The following PLXDC1 variants were observed in gnomAD, a reference collection of about 807,000 sequenced individuals.
PLXDC1 encodes the protein plexin domain containing 1.
In PLXDC1, 39 loss-of-function variants were observed where a neutral mutation model predicts 61.3. The ratio of observed to expected loss-of-function variants is 0.64; its 90% CI spans 0.49 to 0.83. The LOEUF is 0.83. Among genes scored for constraint, PLXDC1 ranks in the 40% least tolerant of loss-of-function variants. PLXDC1 has a pLI of 0.00. For missense variants in PLXDC1, 596 were observed against 666.5 expected, an observed-to-expected ratio of 0.89 and a Z score of 1.17; for synonymous variants, 212 against 254.5, an observed-to-expected ratio of 0.83 and a Z score of 1.59.
rs769840629 is a variant in PLXDC1 at position 39,078,045 on chromosome 17, C to T, written c.1054G>A (p.Glu352Lys). Residue 352 changes from glutamate to lysine, a missense_variant, in exon 11 of 14, where the codon GAG (glutamate) becomes AAG (lysine). Coordinates refer to ENST00000315392, the MANE Select transcript of PLXDC1 (RefSeq NM_020405.5). ...WMDYGCAQEA[E>K]GRMCEDFQDE... is the part of the protein sequence containing the mutation. ...TGGAAGTCCTCGCACATCCTGCCCT[C>T]TGCCTGCAGGAGAGAGCCAGTGCTG... 4 of 1,604,858 alleles carry T rather than the reference C, an allele frequency of 2.5e-6. No individual in the cohort carries two copies. Among genetic ancestry groups the T allele is most frequent in the Middle Eastern group, 1.7e-4 (1 of 6,008 alleles).
At chr17:39,082,639 A>C (rs538081766) in intron 9 of PLXDC1, among the ~76,000 whole-genome samples, 1 of 152,174 alleles carries the variant, frequency 6.6e-6, no homozygotes, top group African/African-American at 2.4e-5. Context: ...AGAGACTATA[A>C]TTTAGCAATT....
Position 39,063,359 on chromosome 17 carries a change from C to A in PLXDC1, c.*4481G>T. On this transcript the variant is annotated 3_prime_UTR_variant, in exon 14 of 14. Transcript: ENST00000315392. ...TGTCCTCAGACAGTAGATAAAAATG[C>A]ATGGGGTTTACTTCCAGGGATTTAC... 1.5e-6 allele frequency: 1 copy of A among 653,536 alleles called. No homozygotes were observed. The highest frequency in any genetic ancestry group is 2.7e-6 in the Non-Finnish European group (1 of 363,968). 40.5% of individuals were successfully genotyped at this position (653,536 alleles called of 1,614,324 possible).
upstream of PLXDC1, chr17:39,152,800 A>G (rs887644271): frequency 1.2e-5 from 9 of 731,550 alleles, no homozygotes; most frequent in Non-Finnish European, 1.7e-5. Flanking sequence ...GAAAAGAAAA[A>G]AAAACACCTA....
chr17:39,108,482 G>T, intron 4 of PLXDC1: 1 of 565,126 alleles, frequency 1.8e-6, no homozygotes, highest in Admixed American at 3.0e-5. Flanking sequence ...GGGCGAGGGG[G>T]CAGGAAGAGG....
chr17:39,078,991 T>G (rs910144236), intron 10 of PLXDC1, 113 bp downstream of exon 10: 3 of 815,706 alleles, frequency 3.7e-6, no homozygotes, highest in Admixed American at 3.8e-5. Context: ...GGGAGGATAT[T>G]GCCAAGAGCT....
At chr17:39,088,229 C>G (rs1909815253) in intron 7 of PLXDC1, among the ~76,000 whole-genome samples, 1 of 152,206 alleles carries the variant, frequency 6.6e-6, no homozygotes, top group African/African-American at 2.4e-5. Context: ...TCGCTGAGTG[C>G]TCTGTGAATG....
chr17:39,083,566 T>G, intron 8 of PLXDC1, 26 bp from the exon 9 acceptor site: 1 of 1,569,024 alleles, frequency 6.4e-7, no homozygotes, highest in Non-Finnish European at 8.7e-7. Context: ...CAGTGGCCGC[T>G]CAGCACCGAG....
intron 1 of PLXDC1, among the ~76,000 whole-genome samples, chr17:39,150,341 C>T (rs1271627091): frequency 2.0e-5 from 3 of 152,208 alleles, no homozygotes; most frequent in African/African-American, 7.2e-5. Flanking sequence ...GCCACTGACA[C>T]TGTGCCTGGT....
chr17:39,146,291 G>A (rs2045341934), intron 1 of PLXDC1, among the ~76,000 whole-genome samples: 1 of 152,038 alleles, frequency 6.6e-6, no homozygotes, highest in Non-Finnish European at 1.5e-5. Context: ...GGCTAGTCTT[G>A]AGCTCCTGAC....
At chr17:39,138,138 GT>G (rs1324050535) in intron 2 of PLXDC1, among the ~76,000 whole-genome samples, 6 of 152,072 alleles carry the variant, frequency 3.9e-5, no homozygotes, top group Non-Finnish European at 8.8e-5. Context: ...GTCTCACTAT[GT>G]TGCTTAGGCT....
In PLXDC1 at chr17:39,146,654, TA is replaced by T. The variant is rs200040657; in HGVS notation, c.76+4707del. On this transcript the variant is annotated intron_variant, in intron 1 of 13. Coordinates refer to ENST00000315392, the MANE Select transcript of PLXDC1 (RefSeq NM_020405.5). ...TGGCAAGACCTTGTCTTTTTTATAA[TA>T]AAAAAAGGTATTATAAAATTTAATT... 6.7e-3 allele frequency among the ~76,000 whole-genome samples: 1,014 copies of T among 150,614 alleles called. 13 individuals carry two copies. The highest frequency in any genetic ancestry group is 0.023 in the African/African-American group (949 of 41,232).
intron 2 of PLXDC1, among the ~76,000 whole-genome samples, chr17:39,123,859 G>A (rs1404935216): frequency 6.6e-6 from 1 of 152,124 alleles, no homozygotes; most frequent in Non-Finnish European, 1.5e-5. Flanking sequence ...CAACTGGCAG[G>A]AGGAAATGCT....
At chr17:39,086,057 G>A (rs1000328726) in intron 8 of PLXDC1, among the ~76,000 whole-genome samples, 2 of 152,296 alleles carry the variant, frequency 1.3e-5, no homozygotes, top group Middle Eastern at 3.4e-3. Flanking sequence ...GGGGTGAGAA[G>A]TACCTTAAAT....
At chr17:39,108,389 G>T in intron 4 of PLXDC1, 144 bp from the exon 5 acceptor site, 1 of 835,578 alleles carries the variant, frequency 1.2e-6, no homozygotes, top group African/African-American at 1.7e-5. Flanking sequence ...CATCTGGCGG[G>T]CTCTGGGTCT....
At chr17:39,078,486 A>C (rs1404132247) in intron 10 of PLXDC1, among the ~76,000 whole-genome samples, 1 of 152,224 alleles carries the variant, frequency 6.6e-6, no homozygotes, top group Non-Finnish European at 1.5e-5. Context: ...ACTCACAGTG[A>C]CATGCTTGGC....
At position 39,063,867 on chromosome 17, in the gene PLXDC1, C is replaced by T. The variant is rs1054363152; in HGVS notation, c.*3973G>A. ...CCCCTGATCAGTGCTTCATGCCAAT[C>T]TGTGAGTCTGTTCCAGGAACTAGAG... On this transcript the variant is annotated 3_prime_UTR_variant, in exon 14 of 14. Coordinates refer to ENST00000315392, the MANE Select transcript of PLXDC1 (RefSeq NM_020405.5). 1 of 199,868 alleles carries T rather than the reference C, an allele frequency of 5.0e-6. No individual in the cohort carries two copies. Among genetic ancestry groups the T allele is most frequent in the Non-Finnish European group, 1.0e-5 (1 of 97,558 alleles). 12.4% of individuals were successfully genotyped at this position (199,868 alleles called of 1,614,324 possible).
intron 7 of PLXDC1, among the ~76,000 whole-genome samples, chr17:39,105,065 C>G (rs374381899): frequency 3.3e-5 from 5 of 152,278 alleles, no homozygotes; most frequent in African/African-American, 1.2e-4. Context: ...GTTGAGAATG[C>G]CCCCAGGCCC....
intron 12 of PLXDC1, among the ~76,000 whole-genome samples, chr17:39,070,926 C>T (rs1477903050): frequency 1.3e-5 from 2 of 152,122 alleles, no homozygotes; most frequent in South Asian, 2.1e-4. Flanking sequence ...TGCAGTGAGC[C>T]GAGATCGCAC....
At chr17:39,125,059 C>T in intron 2 of PLXDC1, among the ~76,000 whole-genome samples, 1 of 152,192 alleles carries the variant, frequency 6.6e-6, no homozygotes, top group Non-Finnish European at 1.5e-5. Context: ...TCAAGCAATC[C>T]TCCCTCCCTC....
Sources: allele counts gnomAD v4.1 joint callset (sites outside exome capture counted in the v4.1 genomes callset), GRCh38; gene constraint gnomAD v4.1.1; transcripts MANE v1.5; gene names NCBI Gene and HGNC (gene_info 2026-07-23, HGNC 2026-07-21).